PRDM11: variants seen among roughly 807,000 people sequenced by gnomAD.
PRDM11 encodes the protein PR/SET domain 11.
Under a neutral mutation model 97.8 loss-of-function variants are expected in PRDM11, and 20 were observed. The ratio of observed to expected loss-of-function variants is 0.20; its 90% CI spans 0.14 to 0.30. The LOEUF (loss-of-function observed/expected upper bound fraction) is 0.30, where lower values mean the gene tolerates loss of function less well. Among genes scored for constraint, PRDM11 ranks in the 10% least tolerant of loss-of-function variants. The pLI is 1.00. For synonymous variants in PRDM11, 599 were observed against 637.7 expected, an observed-to-expected ratio of 0.94 and a Z score of 0.91; for missense variants, 1,139 against 1,555.2, an observed-to-expected ratio of 0.73 and a Z score of 4.50.
At chr11:45,168,172 G>A (rs895743790) in intron 1 of PRDM11, among the ~76,000 whole-genome samples, 2 of 152,194 alleles carry the variant, frequency 1.3e-5, no homozygotes, top group South Asian at 2.1e-4. Flanking sequence ...ATGGAACAGC[G>A]AGGGAGGGAG....
intron 4 of PRDM11, among the ~76,000 whole-genome samples, chr11:45,199,622 G>T (rs1311600744): frequency 6.6e-6 from 1 of 152,226 alleles, no homozygotes; most frequent in Non-Finnish European, 1.5e-5. Context: ...GAGGGACCAA[G>T]GAGTTGACCT....
rs35032539 is a variant in PRDM11, at chr11:45,224,639, A to G, written c.1165A>G (p.Lys389Glu). 2.5e-4 allele frequency: 409 copies of G among 1,614,058 alleles called. No individual in the cohort carries two copies. Among genetic ancestry groups the G allele is most frequent in the Non-Finnish European group, 3.4e-4 (398 of 1,180,036 alleles). ...TGAAGAAGAGGAGCCTTCATCATTCAAGGCCGACAGTCCTGCCGAGGCCTC... is the reference window on the plus strand; with the variant it reads ...TGAAGAAGAGGAGCCTTCATCATTCGAGGCCGACAGTCCTGCCGAGGCCTC... ...EDEEEEPSSF[K>E]ADSPAEASLA... Residue 389 changes from lysine to glutamate, a missense_variant, in exon 7 of 8, where the codon AAG becomes GAG. Around this residue, in one of 2 missense-constraint regions of PRDM11, gnomAD observed 429 missense variants for 510.3 expected, o/e 0.84. Transcript: ENST00000683152.
At chr11:45,111,365 CGGACCAACGAACCCA>C (rs1852175486) in intron 1 of PRDM11, among the ~76,000 whole-genome samples, 9 of 54,720 alleles carry the variant, frequency 1.6e-4, no homozygotes, top group Admixed American at 7.0e-4. Context: ...AACATTGCTT[CGGACCAACGAACCCA>C]TTTCACAGCG....
intron 1 of PRDM11, among the ~76,000 whole-genome samples, chr11:45,154,250 G>A (rs1399349122): frequency 1.3e-5 from 2 of 152,180 alleles, no homozygotes; most frequent in Non-Finnish European, 2.9e-5. Context: ...CAGCAACTTG[G>A]GAGGCTGAGG....
intron 4 of PRDM11, among the ~76,000 whole-genome samples, chr11:45,190,918 A>G (rs543308572): frequency 1.3e-5 from 2 of 152,296 alleles, no homozygotes; most frequent in African/African-American, 4.8e-5. Context: ...CCCCTGAGCT[A>G]TTTAACCACC....
intron 4 of PRDM11, among the ~76,000 whole-genome samples, chr11:45,199,157 A>T (rs1329027695): frequency 6.6e-6 from 1 of 152,176 alleles, no homozygotes; most frequent in Non-Finnish European, 1.5e-5. Context: ...CCATGCTTTT[A>T]TGTTATTTTT....
intron 1 of PRDM11, among the ~76,000 whole-genome samples, chr11:45,174,014 C>G (rs774599078): frequency 7.9e-5 from 12 of 152,202 alleles, no homozygotes; most frequent in Non-Finnish European, 1.3e-4. Flanking sequence ...TGGCCAGAAT[C>G]TTAGAACTCC....
At chr11:45,217,860 T>C (rs1272517516) in intron 5 of PRDM11, among the ~76,000 whole-genome samples, 2 of 152,226 alleles carry the variant, frequency 1.3e-5, no homozygotes, top group Non-Finnish European at 2.9e-5. Context: ...TGCGTGACAG[T>C]AATAGTTGCT....
intron 4 of PRDM11, among the ~76,000 whole-genome samples, chr11:45,189,827 C>T (rs1045871175): frequency 2.4e-4 from 36 of 152,112 alleles, no homozygotes; most frequent in African/African-American, 8.5e-4. Context: ...GTGGTGGGGA[C>T]AGGCAGGTGT....
chr11:45,123,747 G>A (rs1852498419), intron 1 of PRDM11, among the ~76,000 whole-genome samples: 1 of 151,440 alleles, frequency 6.6e-6, no homozygotes, highest in Admixed American at 6.6e-5. Context: ...GGTTACTGTA[G>A]CCTTGTAGTA....
At chr11:45,104,740 G>A (rs905938041) in intron 1 of PRDM11, among the ~76,000 whole-genome samples, 8 of 152,134 alleles carry the variant, frequency 5.3e-5, no homozygotes, top group African/African-American at 1.9e-4. Flanking sequence ...CCACCAATAC[G>A]GCTAAAGGGA....
At chr11:45,208,268 GAA>G (rs1853587229) in intron 5 of PRDM11, among the ~76,000 whole-genome samples, 1 of 152,186 alleles carries the variant, frequency 6.6e-6, no homozygotes, top group African/African-American at 2.4e-5. Context: ...CGGGGAAGGG[GAA>G]GAGAGCCACT....
intron 5 of PRDM11, among the ~76,000 whole-genome samples, chr11:45,216,732 T>A (rs1853966559): frequency 6.6e-6 from 1 of 152,230 alleles, no homozygotes. Flanking sequence ...AAATACTTTG[T>A]GATTTATACA....
chr11:45,188,622 A>G (rs1183277781), intron 4 of PRDM11, among the ~76,000 whole-genome samples: 3 of 152,216 alleles, frequency 2.0e-5, no homozygotes, highest in African/African-American at 7.2e-5. Context: ...CCGAATGGCC[A>G]TTTCCACTCC....
intron 5 of PRDM11, among the ~76,000 whole-genome samples, chr11:45,210,575 C>G (rs1480228324): frequency 2.0e-5 from 3 of 152,218 alleles, no homozygotes; most frequent in East Asian, 3.9e-4. Flanking sequence ...GTGGCTCAGC[C>G]CATGGGAAGG....
chr11:45,122,595 GT>G (rs1852463061), intron 1 of PRDM11, among the ~76,000 whole-genome samples: 1 of 150,418 alleles, frequency 6.6e-6, no homozygotes, highest in Non-Finnish European at 1.5e-5. Context: ...GCAGTGTTTG[GT>G]TTTTTTGTCC....
chr11:45,213,058 A>G (rs766520206), intron 5 of PRDM11: 1 of 447,600 alleles, frequency 2.2e-6, no homozygotes, highest in African/African-American at 2.0e-5. Flanking sequence ...GCTAGTCTGC[A>G]CTAGGAGGAA....
chr11:45,184,017 G>A (rs191607194), intron 4 of PRDM11, among the ~76,000 whole-genome samples: 6 of 152,318 alleles, frequency 3.9e-5, no homozygotes, highest in African/African-American at 1.2e-4. Context: ...AGTGAGACTG[G>A]GAAAAAGTGA....
intron 1 of PRDM11, among the ~76,000 whole-genome samples, chr11:45,157,058 G>T (rs1157344878): frequency 6.6e-6 from 1 of 152,176 alleles, no homozygotes; most frequent in Non-Finnish European, 1.5e-5. Flanking sequence ...AGGCACGGGG[G>T]AGCTGTCGGT....
Sources: allele counts gnomAD v4.1 joint callset (sites outside exome capture counted in the v4.1 genomes callset), GRCh38; gene constraint gnomAD v4.1.1; regional missense constraint gnomAD v4.1.1; transcripts MANE v1.5; gene names NCBI Gene and HGNC (gene_info 2026-07-23, HGNC 2026-07-21).